Variants in ABCC4 observed in about 807,000 individuals in gnomAD.
ABCC4 encodes the protein ATP-binding cassette sub-family C member 4.
ABCC4 carries 102 observed loss-of-function variants against 168.5 expected under a neutral mutation model. The observed-to-expected ratio is 0.61, with a 90% confidence interval of 0.52 to 0.71. ABCC4 has a LOEUF of 0.71. Among genes scored for constraint, ABCC4 ranks in the 30% least tolerant of loss-of-function variants. The probability of loss-of-function intolerance (pLI) is 0.00; values close to 1 mark genes in which losing one functional copy is unlikely to be tolerated. For synonymous variants in ABCC4, 617 were observed against 590.7 expected (o/e 1.04, Z -0.65); for missense variants, 1,402 against 1,605.8 (o/e 0.87, Z 2.17).
intron 19 of ABCC4, among the ~76,000 whole-genome samples, chr13:95,149,671 T>C (rs1047223243): frequency 6.6e-6 from 1 of 152,250 alleles, no homozygotes; most frequent in African/African-American, 2.4e-5. Flanking sequence ...GCACTGCTGC[T>C]GATCAAGGCG....
chr13:95,053,875 G>A (rs550273300), intron 26 of ABCC4: 2 of 151,774 alleles, frequency 1.3e-5, no homozygotes, highest in South Asian at 2.1e-4. Flanking sequence ...TACTTAGGAG[G>A]CTGAGGCAAG....
intron 27 of ABCC4, among the ~76,000 whole-genome samples, chr13:95,044,997 G>T (rs7991560): frequency 1.2e-4 from 19 of 152,162 alleles, no homozygotes; most frequent in African/African-American, 4.6e-4. Flanking sequence ...TCACTTCTAA[G>T]GGGAGCATTT....
chr13:95,089,120 T>C (rs1165658403), intron 20 of ABCC4, among the ~76,000 whole-genome samples: 1 of 152,090 alleles, frequency 6.6e-6, no homozygotes, highest in Non-Finnish European at 1.5e-5. Flanking sequence ...GGGCAAAGAC[T>C]GACATAATAA....
chr13:95,115,173 C>A (rs957972594), intron 20 of ABCC4, among the ~76,000 whole-genome samples: 1 of 150,980 alleles, frequency 6.6e-6, no homozygotes, highest in Admixed American at 6.6e-5. Flanking sequence ...AGCAACAGTA[C>A]TGAATAAGGA....
chr13:95,086,320 A>G (rs1296795607), intron 20 of ABCC4, among the ~76,000 whole-genome samples: 1 of 152,220 alleles, frequency 6.6e-6, no homozygotes, highest in East Asian at 1.9e-4. Context: ...AGACCCAGAA[A>G]ACAAAATGAC....
intron 19 of ABCC4, among the ~76,000 whole-genome samples, chr13:95,135,651 C>T (rs1375507974): frequency 6.6e-6 from 1 of 152,030 alleles, no homozygotes; most frequent in Non-Finnish European, 1.5e-5. Context: ...TGAGCTCAAG[C>T]GATCCACCTG....
At position 95,020,097 on chromosome 13, in the gene ABCC4, C is replaced by T. The variant is rs959856333; in HGVS notation, c.*1478G>A. 2.6e-5 allele frequency: 4 copies of T among 152,114 alleles called. No homozygotes were observed. Among genetic ancestry groups the T allele is most frequent in the South Asian group, 2.1e-4 (1 of 4,822 alleles). 9.4% of individuals were successfully genotyped at this position (152,114 alleles called of 1,614,324 possible). On this transcript the variant is annotated 3_prime_UTR_variant, in exon 31 of 31. Coordinates refer to ENST00000645237, the MANE Select transcript of ABCC4 (RefSeq NM_005845.5). ...TTTGTTGGACTGAACATTAACCATA[C>T]GTGTATTTCTAAGTACTAGGAGTTG...
chr13:95,208,356 C>G (rs1281413316), intron 6 of ABCC4, among the ~76,000 whole-genome samples: 1 of 145,590 alleles, frequency 6.9e-6, no homozygotes, highest in Non-Finnish European at 1.5e-5. Context: ...AAAAAAGCTT[C>G]AGAGGACCAG....
intron 25 of ABCC4, among the ~76,000 whole-genome samples, chr13:95,070,868 G>A (rs1445427470): frequency 6.6e-6 from 1 of 152,120 alleles, no homozygotes; most frequent in Non-Finnish European, 1.5e-5. Context: ...CAAAGCACAG[G>A]TTAAAGGAAG....
chr13:95,073,715 T>C lies in ABCC4; in HGVS notation c.2918-411A>G, dbSNP rs192558933. 1.1e-4 allele frequency among the ~76,000 whole-genome samples: 17 copies of C among 152,316 alleles called. 1 individual carries two copies. Among genetic ancestry groups the C allele is most frequent in the African/African-American group, 4.1e-4 (17 of 41,572 alleles). On this transcript the variant is annotated intron_variant, in intron 23 of 30. Transcript: ENST00000645237. ...GCCAATGCTTTTGAGACTAAAATAC[T>C]ACTCTCCTTGTTCCATTATTAAGTA...
intron 19 of ABCC4, among the ~76,000 whole-genome samples, chr13:95,118,482 G>A (rs1202629131): frequency 6.6e-6 from 1 of 152,144 alleles, no homozygotes; most frequent in Non-Finnish European, 1.5e-5. Context: ...GATCTCAGGT[G>A]ATCCACCCAC....
chr13:95,214,763 G>A (rs1170256097), intron 4 of ABCC4, among the ~76,000 whole-genome samples: 1 of 151,478 alleles, frequency 6.6e-6, no homozygotes, highest in East Asian at 1.9e-4. Flanking sequence ...GTGGGCACCT[G>A]TAATTCCAGC....
chr13:95,161,250 G>A lies in ABCC4; in HGVS notation c.2394C>T (p.His798=). 6.2e-7 allele frequency: 1 copy of A among 1,611,364 alleles called. No homozygotes were observed. Among genetic ancestry groups the A allele is most frequent in the Non-Finnish European group, 8.5e-7 (1 of 1,179,502 alleles). ...YVLVNSSQTL[H]NKMFESILKA... ...TCAGAATTGACTCAAACATTTTGTTGTGCAAAGTTTGTGAAGAGTTAACAA... is the reference window on the plus strand; with the variant it reads ...TCAGAATTGACTCAAACATTTTGTTATGCAAAGTTTGTGAAGAGTTAACAA... Residue 798 remains histidine, a synonymous_variant, in exon 19 of 31, where the codon CAC becomes CAT. Coordinates refer to ENST00000645237, the MANE Select transcript of ABCC4 (RefSeq NM_005845.5).
At chr13:95,097,359 T>C (rs1167670624) in intron 20 of ABCC4, among the ~76,000 whole-genome samples, 1 of 152,076 alleles carries the variant, frequency 6.6e-6, no homozygotes, top group African/African-American at 2.4e-5. Flanking sequence ...CCACATAAAA[T>C]GACAGAGAAT....
At chr13:95,194,193 A>G (rs1379972160) in intron 9 of ABCC4, among the ~76,000 whole-genome samples, 1 of 152,182 alleles carries the variant, frequency 6.6e-6, no homozygotes, top group Non-Finnish European at 1.5e-5. Context: ...TGAGTAAACC[A>G]AGTGTTGAAA....
chr13:95,232,377 G>T (rs553395515), intron 4 of ABCC4, among the ~76,000 whole-genome samples: 1 of 152,192 alleles, frequency 6.6e-6, no homozygotes, highest in East Asian at 1.9e-4. Flanking sequence ...GGTCAAAGAA[G>T]AATACTTTAA....
intron 20 of ABCC4, among the ~76,000 whole-genome samples, chr13:95,106,837 G>C (rs1011328910): frequency 6.6e-6 from 1 of 152,134 alleles, no homozygotes; most frequent in African/African-American, 2.4e-5. Flanking sequence ...TTTCCCTTTG[G>C]CATAGGGAGT....
In ABCC4 at chr13:95,050,320, G is replaced by A. The variant is rs116138149; in HGVS notation, c.3456+2775C>T. Reference sequence around the variant, plus strand: ...CCATCAACTTGTAGTCATGAAACTTGTTGTGAAAAACTCACAATGCTTCAT... The same window carrying A: ...CCATCAACTTGTAGTCATGAAACTTATTGTGAAAAACTCACAATGCTTCAT... On this transcript the variant is annotated intron_variant, in intron 27 of 30. Transcript: ENST00000645237. Among the ~76,000 whole-genome samples the A allele has an allele frequency of 9.4e-3, 1,432 of 152,290 alleles. 30 individuals carry two copies. Among genetic ancestry groups the A allele is most frequent in the African/African-American group, 0.032 (1,348 of 41,564 alleles).
At chr13:95,188,226 A>G (rs2038131576) in intron 10 of ABCC4, among the ~76,000 whole-genome samples, 2 of 152,212 alleles carry the variant, frequency 1.3e-5, no homozygotes, top group South Asian at 4.1e-4. Flanking sequence ...AACTTCTAGG[A>G]GTTCCCAATT....
Sources: allele counts gnomAD v4.1 joint callset (sites outside exome capture counted in the v4.1 genomes callset), GRCh38; gene constraint gnomAD v4.1.1; transcripts MANE v1.5; gene names NCBI Gene and HGNC (gene_info 2026-07-23, HGNC 2026-07-21).